Variants in ADAMTS14 observed in about 807,000 individuals in gnomAD.
ADAMTS14 encodes the protein ADAM metallopeptidase with thrombospondin type 1 motif 14.
A neutral mutation model predicts 128.6 loss-of-function variants in ADAMTS14; 100 were observed. The observed-to-expected ratio is 0.78, with a 90% CI of 0.66 to 0.92. The LOEUF (loss-of-function observed/expected upper bound fraction) is 0.92, where lower values mean the gene tolerates loss of function less well. Among genes scored for constraint, ADAMTS14 ranks in the 40% least tolerant of loss-of-function variants. The pLI, the probability that ADAMTS14 is intolerant of heterozygous loss-of-function variation, is 0.00. For missense variants in ADAMTS14, 1,562 were observed against 1,658.6 expected, an observed-to-expected ratio of 0.94 and a Z score of 1.01; for synonymous variants, 665 against 653.8, an observed-to-expected ratio of 1.02 and a Z score of -0.26.
At chr10:70,751,784 G>A in intron 17 of ADAMTS14, 138 bp downstream of exon 17, 1 of 1,223,568 alleles carries the variant, frequency 8.2e-7, no homozygotes, top group Non-Finnish European at 1.1e-6. Flanking sequence ...TCTCCAGTGT[G>A]TGGAAGCCCG....
At chr10:70,695,850 A>G (rs1408183383) in intron 2 of ADAMTS14, among the ~76,000 whole-genome samples, 1 of 152,254 alleles carries the variant, frequency 6.6e-6, no homozygotes, top group Non-Finnish European at 1.5e-5. Context: ...ACCTAAAGCC[A>G]TGGTCCTGGG....
intron 18 of ADAMTS14, 103 bp from the exon 19 acceptor site, chr10:70,753,697 C>T: frequency 7.8e-7 from 1 of 1,278,672 alleles, no homozygotes; most frequent in East Asian, 2.6e-5. Flanking sequence ...GAAACCCAAA[C>T]CCACTCTCTG....
At chr10:70,717,595 C>T (rs1329923969) in intron 4 of ADAMTS14, among the ~76,000 whole-genome samples, 1 of 152,120 alleles carries the variant, frequency 6.6e-6, no homozygotes, top group Non-Finnish European at 1.5e-5. Context: ...CCTCTCCTGG[C>T]CCAGGGGTGA....
At chr10:70,707,108 C>T (rs567611959) in intron 3 of ADAMTS14, among the ~76,000 whole-genome samples, 8 of 152,190 alleles carry the variant, frequency 5.3e-5, no homozygotes, top group Non-Finnish European at 1.0e-4. Flanking sequence ...CAGTGGGGTG[C>T]CTTCTCTGAT....
intron 4 of ADAMTS14, among the ~76,000 whole-genome samples, chr10:70,712,094 A>G (rs778693170): frequency 2.0e-4 from 31 of 152,278 alleles, no homozygotes; most frequent in Admixed American, 7.8e-4. Context: ...GAATCTGAAC[A>G]CACCCACCAT....
chr10:70,713,367 T>G (rs1306754362), intron 4 of ADAMTS14, among the ~76,000 whole-genome samples: 1 of 152,164 alleles, frequency 6.6e-6, no homozygotes, highest in Non-Finnish European at 1.5e-5. Context: ...GTTCTTGTGG[T>G]TGCAGGTGAC....
rs747491376 is a variant in ADAMTS14 at position 70,741,177 on chromosome 10, C to A, written c.1924+15C>A. On this transcript the variant is annotated intron_variant, in intron 12 of 21. Coordinates refer to ENST00000373207, the MANE Select transcript of ADAMTS14 (RefSeq NM_080722.4). ...GCCTGACGATGGTGAGTGGGCCCCA[C>A]CCCCCTCCCACTCCATGTCCTTAGG... is the stretch of plus-strand genomic sequence containing the variant. 3.7e-6 allele frequency: 6 copies of A among 1,608,338 alleles called. No homozygotes were observed. In the Middle Eastern group the frequency reaches 6.8e-4, roughly 181 times the overall value.
Position 70,672,843 on chromosome 10 carries a change from T to G in ADAMTS14, c.41T>G (p.Leu14Trp), listed in dbSNP as rs1372074475. The G allele has an allele frequency of 6.6e-7, 1 of 1,514,350 alleles. No individual in the cohort carries two copies. The highest frequency in any genetic ancestry group is 1.2e-5 in the South Asian group (1 of 80,652). 93.8% of individuals were successfully genotyped at this position (1,514,350 alleles called of 1,614,324 possible). ...GCGCTGCTGTCCTACCTGCTGCCTTTGCACTGTGCGCTCTGCGCCGCCGCG... is the reference window on the plus strand; with the variant it reads ...GCGCTGCTGTCCTACCTGCTGCCTTGGCACTGTGCGCTCTGCGCCGCCGCG... ...LRALLSYLLPLHCALCAAAGS... is the reference protein window; with the variant it reads ...LRALLSYLLPWHCALCAAAGS... The change falls in exon 1 of 22, where the codon TTG (leucine) becomes TGG (tryptophan). Residue 14 changes from leucine to tryptophan, a missense_variant. Coordinates refer to ENST00000373207, the MANE Select transcript of ADAMTS14 (RefSeq NM_080722.4).
At chr10:70,752,823 G>A (rs998009032) in intron 18 of ADAMTS14, among the ~76,000 whole-genome samples, 2 of 152,174 alleles carry the variant, frequency 1.3e-5, no homozygotes, top group African/African-American at 2.4e-5. Context: ...CCAGGGCTGG[G>A]CATGTAATTG....
At chr10:70,676,710 G>A (rs72814510) in intron 2 of ADAMTS14, among the ~76,000 whole-genome samples, 26,065 of 152,230 alleles carry the variant, frequency 0.17, 2,848 homozygotes, top group Non-Finnish European at 0.25. Context: ...CTGGCTCTGC[G>A]GCTCTGTGCC....
chr10:70,729,240 C>T, intron 4 of ADAMTS14, 54 bp from the exon 5 acceptor site: 4 of 1,482,712 alleles, frequency 2.7e-6, no homozygotes, highest in Middle Eastern at 3.4e-4. Flanking sequence ...ACCTGGCATG[C>T]AGTAGGCTTG....
intron 3 of ADAMTS14, among the ~76,000 whole-genome samples, chr10:70,705,928 C>T (rs942207559): frequency 6.6e-6 from 1 of 152,200 alleles, no homozygotes; most frequent in Non-Finnish European, 1.5e-5. Context: ...GTTTTCAATT[C>T]TCTTGAGTAC....
chr10:70,735,457 A>C (rs1383588523), intron 9 of ADAMTS14, among the ~76,000 whole-genome samples, 156 bp downstream of exon 9: 1 of 152,232 alleles, frequency 6.6e-6, no homozygotes, highest in East Asian at 1.9e-4. Context: ...GCAGGGATGC[A>C]GAGTGAACAC....
chr10:70,750,311 C>G (rs1401892627), intron 16 of ADAMTS14, among the ~76,000 whole-genome samples: 1 of 152,210 alleles, frequency 6.6e-6, no homozygotes, highest in African/African-American at 2.4e-5. Context: ...AATCCCACAT[C>G]TGTGTGCATC....
At chr10:70,726,075 C>CA (rs1841417623) in intron 4 of ADAMTS14, among the ~76,000 whole-genome samples, 1 of 152,234 alleles carries the variant, frequency 6.6e-6, no homozygotes, top group Non-Finnish European at 1.5e-5. Flanking sequence ...CTGTCCCTTT[C>CA]TGTTTACATA....
intron 4 of ADAMTS14, among the ~76,000 whole-genome samples, chr10:70,713,007 T>A (rs1242889964): frequency 6.6e-6 from 1 of 152,120 alleles, no homozygotes; most frequent in East Asian, 1.9e-4. Context: ...TGGCTGGGGT[T>A]AGGAGAGTGA....
intron 18 of ADAMTS14, 28 bp from the exon 19 acceptor site, chr10:70,753,772 A>G: frequency 6.5e-7 from 1 of 1,527,606 alleles, no homozygotes; most frequent in Middle Eastern, 1.7e-4. Flanking sequence ...CCTTGGTCTC[A>G]CCTCCTCTCC....
chr10:70,703,121 T>A (rs139688804), intron 3 of ADAMTS14, among the ~76,000 whole-genome samples: 158 of 152,290 alleles, frequency 1.0e-3, no homozygotes, highest in African/African-American at 3.6e-3. Flanking sequence ...TACAGTATTA[T>A]TAAGGGTAAC....
chr10:70,710,558 G>A (rs1227812517), intron 4 of ADAMTS14, among the ~76,000 whole-genome samples: 4 of 152,240 alleles, frequency 2.6e-5, no homozygotes, highest in Non-Finnish European at 2.9e-5. Context: ...CTGGGAGGCT[G>A]TAAGAGATGT....
Sources: allele counts gnomAD v4.1 joint callset (sites outside exome capture counted in the v4.1 genomes callset), GRCh38; gene constraint gnomAD v4.1.1; transcripts MANE v1.5; gene names NCBI Gene and HGNC (gene_info 2026-07-23, HGNC 2026-07-21).